The following PTPRM variants were observed in gnomAD, a reference collection of about 807,000 sequenced individuals.
PTPRM encodes the protein receptor-type tyrosine-protein phosphatase mu.
PTPRM carries 47 observed loss-of-function variants against 186.7 expected under a neutral mutation model. That is an observed-to-expected ratio of 0.25 (90% CI 0.20 to 0.32). PTPRM has a LOEUF of 0.32. Among genes scored for constraint, PTPRM ranks in the 10% least tolerant of loss-of-function variants. The probability of loss-of-function intolerance (pLI) is 1.00; values close to 1 mark genes in which losing one functional copy is unlikely to be tolerated. For missense variants in PTPRM, 1,494 were observed against 1,865.0 expected (o/e 0.80, Z 3.66); for synonymous variants, 668 against 674.9 (o/e 0.99, Z 0.16).
At chr18:8,193,853 T>C (rs935783264) in intron 14 of PTPRM, among the ~76,000 whole-genome samples, 5 of 152,254 alleles carry the variant, frequency 3.3e-5, no homozygotes, top group African/African-American at 1.2e-4. Flanking sequence ...AACCTTGGCC[T>C]GTCTTCTTAA....
At position 7,568,544 on chromosome 18, in the gene PTPRM, G is replaced by A. The variant is rs2036490587; in HGVS notation, c.73+653G>A. Reference sequence around the variant, plus strand: ...GCTTGGCGGCCGCGGAGGGAAGCGGGCAGGTCCCCAGGCCCTGGCCACGGC... The same window carrying A: ...GCTTGGCGGCCGCGGAGGGAAGCGGACAGGTCCCCAGGCCCTGGCCACGGC... On this transcript the variant is annotated intron_variant, in intron 1 of 32. Transcript: ENST00000580170. This position sits in a 1 kb window ranked among gnomAD's most constrained non-coding sequence, Gnocchi z 5.1. Among the ~76,000 whole-genome samples the A allele has an allele frequency of 6.6e-6, 1 of 152,154 alleles. No individual in the cohort carries two copies. The highest frequency in any genetic ancestry group is 2.4e-5 in the African/African-American group (1 of 41,456).
At chr18:7,578,522 A>T (rs1209640836) in intron 1 of PTPRM, among the ~76,000 whole-genome samples, 1 of 151,744 alleles carries the variant, frequency 6.6e-6, no homozygotes, top group Admixed American at 6.6e-5. Flanking sequence ...TTTTTAGTAG[A>T]GATGGGGTTT....
At chr18:8,143,601 C>G in intron 13 of PTPRM, 46 bp from the exon 14 acceptor site, 1 of 1,539,928 alleles carries the variant, frequency 6.5e-7, no homozygotes, top group South Asian at 1.1e-5. Flanking sequence ...CATCTTTATT[C>G]TCTCTTACCT....
intron 21 of PTPRM, among the ~76,000 whole-genome samples, chr18:8,317,773 A>T (rs1255906963): frequency 6.6e-6 from 1 of 152,194 alleles, no homozygotes; most frequent in Non-Finnish European, 1.5e-5. Flanking sequence ...AATGATGGTG[A>T]TGTTCAGCAA....
At chr18:8,108,054 G>T (rs1311542509) in intron 11 of PTPRM, among the ~76,000 whole-genome samples, 2 of 151,190 alleles carry the variant, frequency 1.3e-5, no homozygotes, top group African/African-American at 4.9e-5. Flanking sequence ...CAAAGAACAA[G>T]AGGTAAATAA....
At chr18:8,143,812 A>G in intron 14 of PTPRM, 33 bp downstream of exon 14, 3 of 1,609,796 alleles carry the variant, frequency 1.9e-6, no homozygotes, top group Non-Finnish European at 2.6e-6. Flanking sequence ...AGATACAGTT[A>G]TATCCCATTG....
chr18:8,373,414 T>C (rs2095675731), intron 24 of PTPRM, among the ~76,000 whole-genome samples: 1 of 152,188 alleles, frequency 6.6e-6, no homozygotes, highest in African/African-American at 2.4e-5. Flanking sequence ...TAGCTGATGA[T>C]TCCAAGCTAA....
chr18:7,653,155 T>C (rs2038762069), intron 1 of PTPRM, among the ~76,000 whole-genome samples: 1 of 150,332 alleles, frequency 6.7e-6, no homozygotes, highest in Non-Finnish European at 1.5e-5. Flanking sequence ...ATTATTATCA[T>C]TATTGTTTTA....
intron 11 of PTPRM, among the ~76,000 whole-genome samples, chr18:8,110,349 T>G (rs2091701000): frequency 6.6e-6 from 1 of 152,142 alleles, no homozygotes; most frequent in African/African-American, 2.4e-5. Context: ...TGAGAGAGAC[T>G]CATTGAGGGT....
chr18:8,119,351 A>G (rs1022654627), intron 13 of PTPRM, among the ~76,000 whole-genome samples: 72 of 152,202 alleles, frequency 4.7e-4, no homozygotes, highest in African/African-American at 1.7e-3. Flanking sequence ...TGTAGGCCAT[A>G]ATGGTACAGA....
chr18:7,885,355 G>A (rs943636737), intron 2 of PTPRM, among the ~76,000 whole-genome samples: 14 of 152,098 alleles, frequency 9.2e-5, no homozygotes, highest in African/African-American at 3.4e-4. Flanking sequence ...GCTTAGGAGT[G>A]GAAAGAGGAA....
At chr18:7,767,722 A>G (rs981410748) in intron 1 of PTPRM, among the ~76,000 whole-genome samples, 3 of 152,252 alleles carry the variant, frequency 2.0e-5, no homozygotes, top group Non-Finnish European at 4.4e-5. Context: ...GGAAAAAAAA[A>G]GAAAGAGAAT....
chr18:8,323,972 C>A (rs1051182118), intron 22 of PTPRM, among the ~76,000 whole-genome samples: 1 of 152,076 alleles, frequency 6.6e-6, no homozygotes, highest in Non-Finnish European at 1.5e-5. Flanking sequence ...TATAGTAATT[C>A]TATGGACCTC....
chr18:7,871,007 T>C (rs946858902), intron 2 of PTPRM, among the ~76,000 whole-genome samples: 1 of 152,194 alleles, frequency 6.6e-6, no homozygotes, highest in Non-Finnish European at 1.5e-5. Flanking sequence ...GCAATGCAGC[T>C]CTTGAAAGAA....
intron 29 of PTPRM, among the ~76,000 whole-genome samples, chr18:8,380,766 G>A (rs778616407): frequency 6.6e-6 from 1 of 152,152 alleles, no homozygotes; most frequent in Non-Finnish European, 1.5e-5. Flanking sequence ...CCTGAACATC[G>A]CAGAGCCAAA....
chr18:8,097,529 C>G (rs1385230435), intron 11 of PTPRM, among the ~76,000 whole-genome samples: 2 of 152,194 alleles, frequency 1.3e-5, no homozygotes, highest in Admixed American at 6.5e-5. Context: ...GGCTACTGTT[C>G]AGTTATTCTT....
intron 4 of PTPRM, among the ~76,000 whole-genome samples, chr18:7,917,309 G>A (rs1293677712): frequency 1.3e-5 from 2 of 152,154 alleles, no homozygotes; most frequent in Non-Finnish European, 2.9e-5. Context: ...CAAGGCAGGC[G>A]GATCACGAGG....
At chr18:8,133,125 A>C (rs1568396069) in intron 13 of PTPRM, among the ~76,000 whole-genome samples, 1 of 152,256 alleles carries the variant, frequency 6.6e-6, no homozygotes, top group East Asian at 1.9e-4. Flanking sequence ...CCACTTCCAC[A>C]ATAATGACAT....
chr18:7,901,626 A>C lies in PTPRM; in HGVS notation c.469-4879A>C, dbSNP rs567655153. ...TGATCCACTCACCTTGGCCTCCCAA[A>C]GTGCTGGGATTACAGGCATGAACCA... is the stretch of plus-strand genomic sequence containing the variant. On this transcript the variant is annotated intron_variant, in intron 3 of 32. Coordinates refer to ENST00000580170, the MANE Select transcript of PTPRM (RefSeq NM_001105244.2). Among the ~76,000 whole-genome samples the C allele has an allele frequency of 2.0e-5, 3 of 152,238 alleles. No homozygotes were observed. The East Asian group carries it at 5.8e-4, about 29-fold the overall frequency.
Sources: allele counts gnomAD v4.1 joint callset (sites outside exome capture counted in the v4.1 genomes callset), GRCh38; gene constraint gnomAD v4.1.1; non-coding constraint Gnocchi (gnomAD v3.1); transcripts MANE v1.5; gene names NCBI Gene and HGNC (gene_info 2026-07-23, HGNC 2026-07-21).